The following USP47 variants were observed in gnomAD, a reference collection of about 807,000 sequenced individuals.
The protein encoded by USP47 is ubiquitin carboxyl-terminal hydrolase 47.
In USP47, 35 loss-of-function variants were observed where a neutral mutation model predicts 165.1. That is an observed-to-expected ratio of 0.21 (90% confidence interval 0.16 to 0.28). The LOEUF (loss-of-function observed/expected upper bound fraction) is 0.28. Ranked by LOEUF, USP47 falls within the 10% of genes least tolerant of loss-of-function variation. The probability of loss-of-function intolerance (pLI) is 1.00; values close to 1 mark genes in which losing one functional copy is unlikely to be tolerated. For missense variants in USP47, 1,277 were observed against 1,607.4 expected (o/e 0.79, Z 3.52); for synonymous variants, 531 against 544.5 (o/e 0.98, Z 0.35).
chr11:11,935,989 A>G (rs181092367), intron 16 of USP47, among the ~76,000 whole-genome samples: 37 of 152,080 alleles, frequency 2.4e-4, no homozygotes, highest in African/African-American at 7.2e-4. Flanking sequence ...GTTGATTATG[A>G]ACAATAGTTA....
At position 11,936,447 on chromosome 11, in the gene USP47, A is replaced by G. The variant is rs753628218; in HGVS notation, c.2014A>G (p.Met672Val). 3 of 1,609,362 alleles carry G rather than the reference A, an allele frequency of 1.9e-6. No individual in the cohort carries two copies. Among genetic ancestry groups the G allele is most frequent in the Non-Finnish European group, 1.7e-6 (2 of 1,176,820 alleles). ...LLLGGVKSTY[M>V]FDLLLETRKP... Reference sequence around the variant, plus strand: ...ACTAGGTGGCGTCAAGTCAACATATATGTTTGATCTGCTGTTGGAGACGAG... The same window carrying G: ...ACTAGGTGGCGTCAAGTCAACATATGTGTTTGATCTGCTGTTGGAGACGAG... The change falls in exon 17 of 28, where the codon ATG (methionine) becomes GTG (valine). Residue 672 changes from methionine (M) to valine (V), a missense_variant. Physicochemically the swap from Met to Val is conservative, Grantham distance 21 (BLOSUM62 1). Around this residue, in one of 4 missense-constraint regions of USP47, gnomAD observed 909 missense variants for 1,068.1 expected, o/e 0.85. Coordinates refer to ENST00000527733, the MANE Select transcript of USP47 (RefSeq NM_001282659.2).
chr11:11,904,233 C>G (rs1256571168), intron 7 of USP47, among the ~76,000 whole-genome samples: 2 of 152,094 alleles, frequency 1.3e-5, no homozygotes, highest in Non-Finnish European at 2.9e-5. Context: ...TGGTTTGAAC[C>G]ACTTCAAAAG....
At position 11,900,408 on chromosome 11, in the gene USP47, C is replaced by T. The variant is rs545251235; in HGVS notation, c.594-2307C>T. Among the ~76,000 whole-genome samples, 4 of 152,236 alleles carry T rather than the reference C, an allele frequency of 2.6e-5. No homozygotes were observed. The East Asian group carries it at 5.8e-4, about 22-fold the overall frequency. Reference sequence around the variant, plus strand: ...ATCTCCTGACCTCGTGATCCGCCCGCCTTGGCCTCCCAAAGTGCTGGGATT... The same window carrying T: ...ATCTCCTGACCTCGTGATCCGCCCGTCTTGGCCTCCCAAAGTGCTGGGATT... On this transcript the variant is annotated intron_variant, in intron 5 of 27. Coordinates refer to ENST00000527733, the MANE Select transcript of USP47 (RefSeq NM_001282659.2).
chr11:11,877,803 CTCTGTGTGTGTGTGTGTG>C (rs1463795189), intron 1 of USP47, among the ~76,000 whole-genome samples: 8 of 42,994 alleles, frequency 1.9e-4, no homozygotes, highest in African/African-American at 4.8e-4. Flanking sequence ...CTCTCTCTCT[CTCTGTGTGTGTGTGTGTG>C]TGTGTGTGTG....
At position 11,955,911 on chromosome 11, in the gene USP47, C is replaced by T. The variant is rs1856532064; in HGVS notation, c.3894-90C>T. The T allele has an allele frequency of 5.8e-6, 6 of 1,030,868 alleles. No individual in the cohort carries two copies. In the South Asian group the frequency reaches 1.1e-4, roughly 19 times the overall value. 63.9% of individuals were successfully genotyped at this position (1,030,868 alleles called of 1,614,324 possible). A position where few individuals can be genotyped will look rare whatever the true frequency, so the allele number is the denominator to read the frequency against. On this transcript the variant is annotated intron_variant, in intron 27 of 27. Transcript: ENST00000527733. ...CTTCACCAGTAACAGATTTCATTAT[C>T]TTGCTGAGGAGCATCATAGCATTCA...
chr11:11,846,273 T>C (rs1333035117), intron 1 of USP47, among the ~76,000 whole-genome samples: 3 of 152,190 alleles, frequency 2.0e-5, no homozygotes, highest in Non-Finnish European at 4.4e-5. Flanking sequence ...ATGTGTGTCA[T>C]TAATATTCAT....
intron 4 of USP47, among the ~76,000 whole-genome samples, chr11:11,895,310 C>G (rs1851779664): frequency 6.6e-6 from 1 of 152,164 alleles, no homozygotes; most frequent in African/African-American, 2.4e-5. Flanking sequence ...CCTTTCCCTA[C>G]CTGTACATTT....
intron 10 of USP47, 101 bp from the exon 11 acceptor site, chr11:11,922,623 T>A: frequency 3.4e-6 from 3 of 888,348 alleles, no homozygotes; most frequent in Non-Finnish European, 4.7e-6. Context: ...TACTAATATG[T>A]TAAATTGTGT....
chr11:11,909,359 T>G (rs1466728192), intron 8 of USP47, among the ~76,000 whole-genome samples: 1 of 152,206 alleles, frequency 6.6e-6, no homozygotes, highest in African/African-American at 2.4e-5. Flanking sequence ...ACTTTGACTA[T>G]GCTTATTGCC....
At chr11:11,955,390 T>G (rs1019673630) in intron 27 of USP47, among the ~76,000 whole-genome samples, 3 of 152,226 alleles carry the variant, frequency 2.0e-5, no homozygotes, top group African/African-American at 7.2e-5. Flanking sequence ...GTAAACCCAA[T>G]ATATCCAAAA....
intron 2 of USP47, among the ~76,000 whole-genome samples, chr11:11,881,147 CT>C (rs1196300863): frequency 6.6e-6 from 1 of 152,026 alleles, no homozygotes; most frequent in Non-Finnish European, 1.5e-5. Context: ...GTTCACTTCT[CT>C]GTGAATGCTG....
chr11:11,929,573 G>T lies in USP47; in HGVS notation c.1518+8G>T, dbSNP rs1424532453. The T allele has an allele frequency of 6.2e-7, 1 of 1,610,900 alleles. No individual in the cohort carries two copies. Among genetic ancestry groups the T allele is most frequent in the Non-Finnish European group, 8.5e-7 (1 of 1,178,488 alleles). ...GATCAACATGTCAGCAGGGTAAGGA[G>T]GTGTCCTTTAAGATTATTACTCTGA... is the stretch of plus-strand genomic sequence containing the variant. On this transcript the variant is annotated splice_region_variant and intron_variant, in intron 12 of 27. Transcript: ENST00000527733.
At chr11:11,936,091 G>A (rs1855042872) in intron 16 of USP47, among the ~76,000 whole-genome samples, 1 of 151,600 alleles carries the variant, frequency 6.6e-6, no homozygotes, top group South Asian at 2.1e-4. Flanking sequence ...TATATGATTG[G>A]AGGGATAATG....
At chr11:11,910,613 C>G (rs1852904439) in intron 8 of USP47, among the ~76,000 whole-genome samples, 1 of 151,966 alleles carries the variant, frequency 6.6e-6, no homozygotes, top group Non-Finnish European at 1.5e-5. Context: ...CCCTTTACAG[C>G]CAAGGTTATA....
In USP47 at chr11:11,842,222, G is replaced by A. The variant is rs1246275571; in HGVS notation, c.37G>A (p.Glu13Lys). The A allele has an allele frequency of 1.3e-6, 2 of 1,553,112 alleles. No homozygotes were observed. The highest frequency in any genetic ancestry group is 1.7e-6 in the Non-Finnish European group (2 of 1,147,514). The change falls in exon 1 of 28, where the codon GAG becomes AAG. Residue 13 changes from glutamate to lysine, a missense_variant and splice_region_variant. Transcript: ENST00000527733. ...PGEENQLVPK[E>K]IENAAEEPRV... Reference sequence around the variant, plus strand: ...CGAGGAGAACCAACTGGTCCCGAAAGAGGTGAGGGGCCCCAGAGGAGGTTA... The same window carrying A: ...CGAGGAGAACCAACTGGTCCCGAAAAAGGTGAGGGGCCCCAGAGGAGGTTA...
chr11:11,842,415 G>A (rs997825431), intron 1 of USP47, among the ~76,000 whole-genome samples, 191 bp downstream of exon 1: 1 of 152,014 alleles, frequency 6.6e-6, no homozygotes, highest in African/African-American at 2.4e-5. Flanking sequence ...TCTAGGGGCC[G>A]GGGAGCGGAC....
intron 8 of USP47, among the ~76,000 whole-genome samples, chr11:11,909,100 A>G (rs1487016659): frequency 6.6e-6 from 1 of 152,162 alleles, no homozygotes; most frequent in African/African-American, 2.4e-5. Context: ...TAATATGGGA[A>G]GCTCTACATT....
At chr11:11,873,133 A>C (rs1850178618) in intron 1 of USP47, among the ~76,000 whole-genome samples, 2 of 152,192 alleles carry the variant, frequency 1.3e-5, no homozygotes, top group Non-Finnish European at 2.9e-5. Context: ...CTATTATAAC[A>C]GAAATATATT....
At chr11:11,903,888 A>G (rs1852381633) in intron 7 of USP47, among the ~76,000 whole-genome samples, 1 of 152,092 alleles carries the variant, frequency 6.6e-6, no homozygotes, top group African/African-American at 2.4e-5. Context: ...GGCTCAATAC[A>G]TGGGAGGGTT....
Sources: gnomAD v4.1 joint callset for allele counts (sites outside exome capture counted in the v4.1 genomes callset) on GRCh38, gnomAD v4.1.1 for gene constraint, gnomAD v4.1.1 regional missense constraint, MANE v1.5 for transcripts, NCBI Gene and HGNC (gene_info 2026-07-23, HGNC 2026-07-21) for gene names.